The following SERPING1 variants were observed in gnomAD, a reference collection of about 807,000 sequenced individuals.
The protein encoded by SERPING1 is plasma protease C1 inhibitor.
Under a neutral mutation model 34.1 loss-of-function variants are expected in SERPING1, and 5 were observed. The ratio of observed to expected loss-of-function variants is 0.15; its 90% CI spans 0.08 to 0.31. SERPING1 has a LOEUF of 0.31. Among genes scored for constraint, SERPING1 ranks in the 10% least tolerant of loss-of-function variants. SERPING1 has a pLI of 1.00. For synonymous variants in SERPING1, 225 were observed against 242.4 expected, an observed-to-expected ratio of 0.93 and a Z score of 0.67; for missense variants, 505 against 609.5, an observed-to-expected ratio of 0.83 and a Z score of 1.81.
At chr11:57,608,206 C>A (rs1945433652) in intron 6 of SERPING1, among the ~76,000 whole-genome samples, 1 of 152,116 alleles carries the variant, frequency 6.6e-6, no homozygotes, top group Non-Finnish European at 1.5e-5. Context: ...GCTATTTAAT[C>A]AAAGCCATAG....
chr11:57,602,927 T>TA (rs34858800), intron 4 of SERPING1, among the ~76,000 whole-genome samples: 30,870 of 138,846 alleles, frequency 0.22, 3,501 homozygotes, highest in Non-Finnish European at 0.28. Context: ...CTGTCTCCAT[T>TA]AAAAAAAAAA....
chr11:57,599,898 C>T lies in SERPING1; in HGVS notation c.71C>T (p.Pro24Leu). 6.2e-7 allele frequency: 1 copy of T among 1,614,122 alleles called. No individual in the cohort carries two copies. ...CCACAGGATAGAGCCTCCTCAAATCCAAATGCTACCAGCTCCAGCTCCCAG... is the reference window on the plus strand; with the variant it reads ...CCACAGGATAGAGCCTCCTCAAATCTAAATGCTACCAGCTCCAGCTCCCAG... ...LLAGDRASSN[P>L]NATSSSSQDP... The change falls in exon 3 of 8, where the codon CCA becomes CTA. Residue 24 changes from proline (P) to leucine (L), a missense_variant. Transcript: ENST00000278407.
rs957482992 is a variant in SERPING1 at position 57,598,125 on chromosome 11, G to A, written c.-22-124G>A. 2 of 674,110 alleles carry A rather than the reference G, an allele frequency of 3.0e-6. 1 individual carries two copies. Among genetic ancestry groups the A allele is most frequent in the South Asian group, 4.0e-5 (2 of 50,108 alleles). 41.8% of individuals were successfully genotyped at this position (674,110 alleles called of 1,614,324 possible). ...CCAGGGAGAAGGTGGCCCCAGGAGG[G>A]AGGAGGAGGGAATTCGCTAAGAGGG... On this transcript the variant is annotated intron_variant, in intron 1 of 7. Transcript: ENST00000278407.
At chr11:57,609,517 T>C (rs947915971) in intron 6 of SERPING1, among the ~76,000 whole-genome samples, 1 of 151,952 alleles carries the variant, frequency 6.6e-6, no homozygotes, top group African/African-American at 2.4e-5. Flanking sequence ...GAGGCGAAGG[T>C]TGCAGTGAGC....
At position 57,611,917 on chromosome 11, in the gene SERPING1, C is replaced by G. The variant is rs2135324845; in HGVS notation, c.1230C>G (p.Leu410=). 2 of 1,614,076 alleles carry G rather than the reference C, an allele frequency of 1.2e-6. No homozygotes were observed. Among genetic ancestry groups the G allele is most frequent in the Non-Finnish European group, 8.5e-7 (1 of 1,180,026 alleles). The change falls in exon 7 of 8, where the codon CTC becomes CTG. Residue 410 remains leucine, a synonymous_variant. Transcript: ENST00000278407. ...AAGTGACGACCAGCCAGGATATGCT[C>G]TCAATCATGGAGAAATTGGGTGAGC... The part of the protein sequence containing the change: ...RIKVTTSQDM[L]SIMEKLEFFD...
chr11:57,614,575 G>C lies in SERPING1; in HGVS notation c.1497G>C (p.Arg499Ser). 1 of 1,613,650 alleles carries C rather than the reference G, an allele frequency of 6.2e-7. No individual in the cohort carries two copies. Among genetic ancestry groups the C allele is most frequent in the Non-Finnish European group, 8.5e-7 (1 of 1,179,994 alleles). ...TCATGGGGCGAGTATATGACCCCAG[G>C]GCCTGAGACCTGCAGGATCAGGTTA... ...PVFMGRVYDP[R>S]A Residue 499 changes from arginine to serine, a missense_variant, in exon 8 of 8, where the codon AGG becomes AGC. Coordinates refer to ENST00000278407, the MANE Select transcript of SERPING1 (RefSeq NM_000062.3).
Position 57,611,956 on chromosome 11 carries a change from G to A in SERPING1, c.1249+20G>A, listed in dbSNP as rs770029513. 6.9e-5 allele frequency: 111 copies of A among 1,597,914 alleles called. No homozygotes were observed. Among genetic ancestry groups the A allele is most frequent in the Middle Eastern group, 5.5e-4 (3 of 5,448 alleles). On this transcript the variant is annotated intron_variant, in intron 7 of 7. Transcript: ENST00000278407. ...AATTGGGTGAGCTCTGGCAGCTTAG[G>A]GTTACTCCCAGGCCATCAGAGGAGA...
At chr11:57,599,742 C>T in intron 2 of SERPING1, 137 bp from the exon 3 acceptor site, 1 of 1,192,616 alleles carries the variant, frequency 8.4e-7, no homozygotes, top group Non-Finnish European at 1.2e-6. Context: ...ACAGATTGCT[C>T]ATCTGCCGCA....
chr11:57,600,721 C>T lies in SERPING1; in HGVS notation c.550+344C>T, dbSNP rs963665067. On this transcript the variant is annotated intron_variant, in intron 3 of 7. Coordinates refer to ENST00000278407, the MANE Select transcript of SERPING1 (RefSeq NM_000062.3). ...ATCCCAGCACTTTGGGAGGCCAAGGCGGGTGGATCACCTGAGGTCAGGAGT... is the reference window on the plus strand; with the variant it reads ...ATCCCAGCACTTTGGGAGGCCAAGGTGGGTGGATCACCTGAGGTCAGGAGT... Among the ~76,000 whole-genome samples, 7 of 151,994 alleles carry T rather than the reference C, an allele frequency of 4.6e-5. No homozygotes were observed. In the East Asian group the frequency reaches 7.7e-4, roughly 17 times the overall value.
chr11:57,602,075 C>T lies in SERPING1; in HGVS notation c.591C>T (p.Leu197=). The change falls in exon 4 of 8, where the codon CTC becomes CTT. Residue 197 remains leucine (L), a synonymous_variant. Transcript: ENST00000278407. ...CCAAAACAAACCTGGAGAGCATCCT[C>T]TCTTACCCCAAGGACTTCACCTGTG... is the stretch of plus-strand genomic sequence containing the variant. The part of the protein sequence containing the change: ...ENTKTNLESI[L]SYPKDFTCVH... 3 of 1,614,172 alleles carry T rather than the reference C, an allele frequency of 1.9e-6. No individual in the cohort carries two copies. The South Asian group carries it at 3.3e-5, about 18-fold the overall frequency.
At position 57,605,990 on chromosome 11, in the gene SERPING1, C is replaced by G. The variant is rs757551592; in HGVS notation, c.686-20C>G. 4.5e-5 allele frequency: 73 copies of G among 1,611,532 alleles called. No homozygotes were observed. The highest frequency in any genetic ancestry group is 6.1e-5 in the Non-Finnish European group (72 of 1,178,084). ...CGACGTGTTCAGGACTCATGCCTCC[C>G]TTTCTCAACATACCCCCAGACCTGG... On this transcript the variant is annotated intron_variant, in intron 4 of 7. Coordinates refer to ENST00000278407, the MANE Select transcript of SERPING1 (RefSeq NM_000062.3).
At position 57,598,470 on chromosome 11, in the gene SERPING1, G is replaced by A. The variant is rs1163185824; in HGVS notation, c.51+149G>A. 22 of 773,458 alleles carry A rather than the reference G, an allele frequency of 2.8e-5. No homozygotes were observed. The African/African-American group carries it at 3.3e-4, about 11-fold the overall frequency. 47.9% of individuals were successfully genotyped at this position (773,458 alleles called of 1,614,324 possible). A position where few individuals can be genotyped will look rare whatever the true frequency, so the allele number is the denominator to read the frequency against. On this transcript the variant is annotated intron_variant, in intron 2 of 7. Coordinates refer to ENST00000278407, the MANE Select transcript of SERPING1 (RefSeq NM_000062.3). ...ATCATTGAGTGTGATCCTTGCACACGCACTCGTAGATGGTGGAAAGAGCTC... is the reference window on the plus strand; with the variant it reads ...ATCATTGAGTGTGATCCTTGCACACACACTCGTAGATGGTGGAAAGAGCTC...
Position 57,614,651 on chromosome 11 carries a change from GCCTGCCTGGACTTGGCCCCTGCCACCT to G in SERPING1, c.*78_*104del, listed in dbSNP as rs1390634605. 1.9e-4 allele frequency: 299 copies of G among 1,560,490 alleles called. No individual in the cohort carries two copies. Among genetic ancestry groups the G allele is most frequent in the Middle Eastern group, 6.4e-4 (3 of 4,652 alleles). ...AGCTCTCAGTTGCAGCCCTGCTGCT[GCCTGCCTGGACTTGGCCCCTGCCACCT>G]CCTGCCTCAGGTGTCCGCTATCCAC... On this transcript the variant is annotated 3_prime_UTR_variant, in exon 8 of 8. Transcript: ENST00000278407.
In SERPING1 at chr11:57,606,482, G is replaced by GTT; in HGVS notation, c.965_966insTT (p.Pro323CysfsTer3). On this transcript the variant is annotated frameshift_variant, in exon 6 of 8. Coordinates refer to ENST00000278407, the MANE Select transcript of SERPING1 (RefSeq NM_000062.3). LOFTEE classifies it high-confidence loss of function. ...TCACTTCAAAAACTCAGTTATAAAA[G>GTT]TGCCCATGATGAATAGCAAGAAGTA... is the stretch of plus-strand genomic sequence containing the variant. The GTT allele has an allele frequency of 6.2e-7, 1 of 1,614,110 alleles. No homozygotes were observed. Among genetic ancestry groups the GTT allele is most frequent in the Non-Finnish European group, 8.5e-7 (1 of 1,180,006 alleles).
rs191053716 is a variant in SERPING1, at chr11:57,606,807, G to A, written c.1029+260G>A. On this transcript the variant is annotated intron_variant, in intron 6 of 7. Coordinates refer to ENST00000278407, the MANE Select transcript of SERPING1 (RefSeq NM_000062.3). ...TATATTGAATGGCAAAATGTGAGTC[G>A]TGTTCCTATTCTACACATCTGTTTC... 1.7e-3 allele frequency: 1,171 copies of A among 671,226 alleles called. 6 individuals carry two copies. The highest frequency in any genetic ancestry group is 2.7e-3 in the Non-Finnish European group (1,003 of 365,568). 41.6% of individuals were successfully genotyped at this position (671,226 alleles called of 1,614,324 possible). A position where few individuals can be genotyped will look rare whatever the true frequency, so the allele number is the denominator to read the frequency against.
At chr11:57,612,539 G>A (rs370533433) in intron 7 of SERPING1, among the ~76,000 whole-genome samples, 5 of 150,518 alleles carry the variant, frequency 3.3e-5, no homozygotes, top group Non-Finnish European at 5.9e-5. Context: ...TCAGCCTCCC[G>A]AGTAGCTGGG....
At chr11:57,606,722 G>A (rs774529224) in intron 6 of SERPING1, 175 bp downstream of exon 6, 1 of 781,232 alleles carries the variant, frequency 1.3e-6, no homozygotes, top group East Asian at 2.6e-5. Flanking sequence ...CTTGGCCAAG[G>A]CAGACATTGT....
intron 4 of SERPING1, among the ~76,000 whole-genome samples, chr11:57,603,258 A>T (rs1025503396): frequency 6.6e-6 from 1 of 151,628 alleles, no homozygotes; most frequent in Admixed American, 6.6e-5. Context: ...GAAGAAAGAA[A>T]AAAGGCCAGG....
chr11:57,604,629 T>C (rs1945387942), intron 4 of SERPING1, among the ~76,000 whole-genome samples: 1 of 152,044 alleles, frequency 6.6e-6, no homozygotes, highest in Non-Finnish European at 1.5e-5. Flanking sequence ...ACCATTGAAC[T>C]AATCTACCCA....
Sources: allele counts gnomAD v4.1 joint callset (sites outside exome capture counted in the v4.1 genomes callset), GRCh38; gene constraint gnomAD v4.1.1; transcripts MANE v1.5; gene names NCBI Gene and HGNC (gene_info 2026-07-23, HGNC 2026-07-21).